The following CHRM3 variants were observed in gnomAD, a reference collection of about 807,000 sequenced individuals.
The protein encoded by CHRM3 is muscarinic acetylcholine receptor M3.
CHRM3 carries 11 observed loss-of-function variants against 41.8 expected under a neutral mutation model. The ratio of observed to expected loss-of-function variants is 0.26; its 90% CI spans 0.17 to 0.44. The LOEUF (loss-of-function observed/expected upper bound fraction) is 0.44, where lower values mean the gene tolerates loss of function less well. Among genes scored for constraint, CHRM3 ranks in the 20% least tolerant of loss-of-function variants. CHRM3 has a pLI of 1.00. For missense variants in CHRM3, 571 were observed against 745.4 expected (o/e 0.77, Z 2.72); for synonymous variants, 297 against 301.4 (o/e 0.99, Z 0.15).
Position 239,728,229 on chromosome 1 carries a change from ACTGACAGAAG to A in CHRM3, c.-147+49946_-147+49955del, listed in dbSNP as rs1278793162. On this transcript the variant is annotated intron_variant, in intron 5 of 6. Transcript: ENST00000676153. ...CAAACACTTACTTCACAACATTCCC[ACTGACAGAAG>A]CTGAATTTAACGTTAGTTTTCATGG... Among the ~76,000 whole-genome samples, 6 of 152,020 alleles carry A rather than the reference ACTGACAGAAG, an allele frequency of 3.9e-5. No individual in the cohort carries two copies. The East Asian group carries it at 1.2e-3, about 30-fold the overall frequency.
At position 239,687,059 on chromosome 1, in the gene CHRM3, TATTG is replaced by T. The variant is rs1469751220; in HGVS notation, c.-147+8776_-147+8779del. Among the ~76,000 whole-genome samples, 30 of 152,050 alleles carry T rather than the reference TATTG, an allele frequency of 2.0e-4. No homozygotes were observed. In the South Asian group the frequency reaches 5.4e-3, roughly 27 times the overall value. On this transcript the variant is annotated intron_variant, in intron 5 of 6. Coordinates refer to ENST00000676153, the MANE Select transcript of CHRM3 (RefSeq NM_001375978.1). ...AAATGTTATCCATTCATTCAATATG[TATTG>T]ATTGTCTTAATATATGTAAGATTAT...
intron 6 of CHRM3, among the ~76,000 whole-genome samples, chr1:239,905,567 A>G (rs1679905193): frequency 6.6e-6 from 1 of 152,114 alleles, no homozygotes; most frequent in South Asian, 2.1e-4. Flanking sequence ...TTAGCCAGGC[A>G]AGGTGACACA....
chr1:239,439,238 C>T (rs896773583), intron 1 of CHRM3, among the ~76,000 whole-genome samples: 2 of 152,166 alleles, frequency 1.3e-5, no homozygotes, highest in African/African-American at 4.8e-5. Context: ...ATTAGAACCC[C>T]TGGAATATCC....
At chr1:239,609,634 C>T (rs1297751818) in intron 3 of CHRM3, among the ~76,000 whole-genome samples, 2 of 152,114 alleles carry the variant, frequency 1.3e-5, no homozygotes, top group African/African-American at 4.8e-5. Context: ...TCCAGTTGCC[C>T]CTACATCTTT....
chr1:239,553,759 T>C (rs1415191027), intron 3 of CHRM3, among the ~76,000 whole-genome samples: 1 of 152,210 alleles, frequency 6.6e-6, no homozygotes, highest in East Asian at 1.9e-4. Flanking sequence ...GCTTCTATGA[T>C]GGAGATATAA....
At chr1:239,427,207 T>C (rs1181580049) in intron 1 of CHRM3, among the ~76,000 whole-genome samples, 1 of 152,158 alleles carries the variant, frequency 6.6e-6, no homozygotes, top group Non-Finnish European at 1.5e-5. Flanking sequence ...AGGAAGCAGA[T>C]GTCACACTCA....
intron 5 of CHRM3, among the ~76,000 whole-genome samples, chr1:239,709,610 A>G (rs752372903): frequency 6.6e-6 from 1 of 152,188 alleles, no homozygotes; most frequent in Non-Finnish European, 1.5e-5. Context: ...TCCTTTGTAT[A>G]GACATTAAGC....
chr1:239,530,104 C>T (rs1012011933), intron 2 of CHRM3, among the ~76,000 whole-genome samples: 3 of 152,022 alleles, frequency 2.0e-5, no homozygotes, highest in Non-Finnish European at 2.9e-5. Flanking sequence ...GGGGTTTCAC[C>T]GTGTTAGCCA....
intron 3 of CHRM3, among the ~76,000 whole-genome samples, chr1:239,578,672 C>G (rs1448371418): frequency 6.6e-6 from 1 of 152,092 alleles, no homozygotes; most frequent in Admixed American, 6.6e-5. Flanking sequence ...CTTCTTATCC[C>G]AAAGTATGTC....
In CHRM3 at chr1:239,805,457, G is replaced by T. The variant is rs540349291; in HGVS notation, c.-146-21795G>T. ...TTATCTGAAGAAGCTTATAACTTAG[G>T]TATTATACATAGACAAGTGGAGGAT... On this transcript the variant is annotated intron_variant, in intron 5 of 6. Coordinates refer to ENST00000676153, the MANE Select transcript of CHRM3 (RefSeq NM_001375978.1). 2.0e-4 allele frequency among the ~76,000 whole-genome samples: 31 copies of T among 152,242 alleles called. No individual in the cohort carries two copies. In the South Asian group the frequency reaches 2.9e-3, roughly 14 times the overall value.
At chr1:239,680,304 T>TGAAGAATCTGACTTCAGTCTTTGTTGAAG (rs1658435884) in intron 5 of CHRM3, among the ~76,000 whole-genome samples, 1 of 152,198 alleles carries the variant, frequency 6.6e-6, no homozygotes, top group East Asian at 1.9e-4. Context: ...CTAGGTTGAA[T>TGAAGAATCTGACTTCAGTCTTTGTTGAAG]GAAGAATCTG....
intron 5 of CHRM3, among the ~76,000 whole-genome samples, chr1:239,738,952 G>C (rs1664616799): frequency 2.0e-5 from 3 of 152,114 alleles, no homozygotes; most frequent in Admixed American, 2.0e-4. Context: ...CTCTTCTGAG[G>C]TTGCTCCTGG....
At chr1:239,853,092 A>C (rs1674832100) in intron 6 of CHRM3, among the ~76,000 whole-genome samples, 1 of 151,858 alleles carries the variant, frequency 6.6e-6, no homozygotes, top group Admixed American at 6.6e-5. Context: ...TTTTAAATTT[A>C]ATGATGTTTA....
At chr1:239,733,478 C>A (rs1664141270) in intron 5 of CHRM3, among the ~76,000 whole-genome samples, 1 of 151,908 alleles carries the variant, frequency 6.6e-6, no homozygotes. Flanking sequence ...ATCTAGTAAG[C>A]ATCTGAGAAA....
rs187230621 is a variant in CHRM3 at position 239,852,449 on chromosome 1, G to A, written c.-20+25071G>A. Among the ~76,000 whole-genome samples, 182 of 152,168 alleles carry A rather than the reference G, an allele frequency of 1.2e-3. 1 individual carries two copies. The highest frequency in any genetic ancestry group is 4.2e-3 in the African/African-American group (175 of 41,522). On this transcript the variant is annotated intron_variant, in intron 6 of 6. Transcript: ENST00000676153. ...TGTAATAATCAGGCATTTTATCCAAGTCCTCATTTATATTCTTTGAACCAA... is the reference window on the plus strand; with the variant it reads ...TGTAATAATCAGGCATTTTATCCAAATCCTCATTTATATTCTTTGAACCAA...
At chr1:239,736,990 T>G (rs1374232201) in intron 5 of CHRM3, among the ~76,000 whole-genome samples, 1 of 152,188 alleles carries the variant, frequency 6.6e-6, no homozygotes, top group Non-Finnish European at 1.5e-5. Flanking sequence ...ACTGCAGAAG[T>G]ATTTTAAAAT....
At chr1:239,774,594 A>T (rs1004757211) in intron 5 of CHRM3, among the ~76,000 whole-genome samples, 1 of 152,190 alleles carries the variant, frequency 6.6e-6, no homozygotes, top group African/African-American at 2.4e-5. Flanking sequence ...CACACATTTC[A>T]TTAAATAAAA....
intron 4 of CHRM3, among the ~76,000 whole-genome samples, chr1:239,639,138 CCA>C (rs1670813252): frequency 6.6e-6 from 1 of 151,926 alleles, no homozygotes; most frequent in African/African-American, 2.4e-5. Context: ...TGTTTTGGTA[CCA>C]GTACCATGCT....
intron 5 of CHRM3, among the ~76,000 whole-genome samples, chr1:239,807,689 G>A (rs1054966642): frequency 9.9e-5 from 15 of 152,086 alleles, no homozygotes; most frequent in Non-Finnish European, 2.2e-4. Context: ...ATCTTTACAT[G>A]CTCTGTTAAA....
Sources: gnomAD v4.1 joint callset for allele counts (sites outside exome capture counted in the v4.1 genomes callset) on GRCh38, gnomAD v4.1.1 for gene constraint, MANE v1.5 for transcripts, NCBI Gene and HGNC (gene_info 2026-07-23, HGNC 2026-07-21) for gene names.